Variants in UPRT observed in about 807,000 individuals in gnomAD.
UPRT encodes the protein RP11-311P8.3.
In UPRT, 5 loss-of-function variants were observed where a neutral mutation model predicts 22.6. That is an observed-to-expected ratio of 0.22 (90% confidence interval 0.12 to 0.47). UPRT has a LOEUF of 0.47. Ranked by LOEUF, UPRT falls within the 20% of genes least tolerant of loss-of-function variation. The pLI is 0.99. For synonymous variants in UPRT, 77 were observed against 87.7 expected (o/e 0.88, Z 0.68); for missense variants, 181 against 239.9 (o/e 0.75, Z 1.62).
intron 4 of UPRT, among the ~76,000 whole-genome samples, chrX:75,184,837 G>A (rs1261531987): frequency 2.7e-5 from 3 of 111,343 alleles, no homozygotes; most frequent in African/African-American, 9.8e-5. Context: ...TTGTTGGTGT[G>A]TAAGAATGCT....
chrX:75,188,615 C>A (rs1321731963), intron 4 of UPRT, among the ~76,000 whole-genome samples: 4 of 112,498 alleles, frequency 3.6e-5, no homozygotes, highest in Non-Finnish European at 7.5e-5. Context: ...GGCGCCCCTC[C>A]CCGAGCCTCG....
chrX:75,302,248 G>T (rs1448947066), intron 6 of UPRT, among the ~76,000 whole-genome samples: 1 of 111,236 alleles, frequency 9.0e-6, no homozygotes, highest in Non-Finnish European at 1.9e-5. Context: ...AAGGCGATTT[G>T]CTTAAGTTAT....
chrX:75,178,506 C>T lies in UPRT; in HGVS notation c.-447+10627C>T, dbSNP rs775915589. 8.9e-5 allele frequency among the ~76,000 whole-genome samples: 10 copies of T among 111,786 alleles called. No individual in the cohort carries two copies. The East Asian group carries it at 1.7e-3, about 19-fold the overall frequency. ...CTCACTGACTTCAAGAATGAAGCCGCGGACCCTCACGGTGAGTGTTACAGC... is the reference window on the plus strand; with the variant it reads ...CTCACTGACTTCAAGAATGAAGCCGTGGACCCTCACGGTGAGTGTTACAGC... On this transcript the variant is annotated intron_variant, in intron 4 of 13. Transcript: ENST00000652605.
At chrX:75,211,772 C>T (rs778960853) in intron 4 of UPRT, among the ~76,000 whole-genome samples, 7 of 111,364 alleles carry the variant, frequency 6.3e-5, no homozygotes, top group Non-Finnish European at 1.1e-4. Flanking sequence ...GTTTTGGCAC[C>T]AAAATGTTAG....
intron 1 of UPRT, among the ~76,000 whole-genome samples, chrX:75,277,208 CT>C (rs202092451): frequency 1.8e-5 from 2 of 109,199 alleles, no homozygotes; most frequent in Non-Finnish European, 1.9e-5. Context: ...ACATATGTGC[CT>C]TTTTTTTTAG....
At chrX:75,220,696 C>G (rs1043359861) in intron 4 of UPRT, among the ~76,000 whole-genome samples, 1 of 111,657 alleles carries the variant, frequency 9.0e-6, no homozygotes, top group Non-Finnish European at 1.9e-5. Flanking sequence ...AATGAAAAAA[C>G]TAATATAAAC....
intron 1 of UPRT, among the ~76,000 whole-genome samples, chrX:75,283,755 C>T (rs1465313251): frequency 9.0e-6 from 1 of 110,993 alleles, no homozygotes; most frequent in African/African-American, 3.3e-5. Flanking sequence ...TTTGGATAGC[C>T]CGACGAAAAT....
intron 4 of UPRT, among the ~76,000 whole-genome samples, chrX:75,190,752 T>G (rs6647096): frequency 9.0e-6 from 1 of 110,825 alleles, no homozygotes; most frequent in African/African-American, 3.3e-5. Context: ...TGATACCCTT[T>G]CTTCCAGTTG....
chrX:75,270,682 C>T (rs1022993801), upstream of UPRT, among the ~76,000 whole-genome samples: 1 of 111,456 alleles, frequency 9.0e-6, no homozygotes, highest in African/African-American at 3.3e-5. Context: ...CTCATATTCT[C>T]ACTCATAAGT....
At chrX:75,218,818 G>C (rs1372430296) in intron 4 of UPRT, among the ~76,000 whole-genome samples, 5 of 108,326 alleles carry the variant, frequency 4.6e-5, no homozygotes, top group African/African-American at 6.7e-5. Context: ...TATTCTCACT[G>C]ATAGGTGGGA....
At chrX:75,183,030 A>T (rs1309684723) in intron 4 of UPRT, among the ~76,000 whole-genome samples, 2 of 109,104 alleles carry the variant, frequency 1.8e-5, no homozygotes, top group Non-Finnish European at 3.8e-5. Flanking sequence ...TTATTTTTTT[A>T]TTATTATTAT....
intron 4 of UPRT, among the ~76,000 whole-genome samples, chrX:75,242,110 T>C (rs962589826): frequency 9.0e-6 from 1 of 110,607 alleles, no homozygotes; most frequent in African/African-American, 3.3e-5. Context: ...TAAAAGAAAA[T>C]ATACCCAGTA....
intron 1 of UPRT, among the ~76,000 whole-genome samples, chrX:75,287,833 A>G (rs1325907839): frequency 1.8e-5 from 2 of 111,650 alleles, no homozygotes; most frequent in Non-Finnish European, 3.8e-5. Flanking sequence ...TCGGAGTGGA[A>G]GTGAATGAAA....
At chrX:75,278,474 A>T (rs1288474342) in intron 1 of UPRT, among the ~76,000 whole-genome samples, 1 of 111,455 alleles carries the variant, frequency 9.0e-6, no homozygotes, top group African/African-American at 3.3e-5. Context: ...TTCTTCATTT[A>T]TGTCGTTTTG....
intron 4 of UPRT, among the ~76,000 whole-genome samples, chrX:75,169,110 C>T (rs192598035): frequency 4.2e-4 from 47 of 111,885 alleles, no homozygotes; most frequent in Middle Eastern, 9.1e-3. Context: ...GCCATTAATT[C>T]GTTCCGTTTT....
intron 4 of UPRT, among the ~76,000 whole-genome samples, chrX:75,182,464 C>T (rs768732541): frequency 9.0e-6 from 1 of 111,325 alleles, no homozygotes; most frequent in African/African-American, 3.3e-5. Flanking sequence ...TGCTAGAATT[C>T]AGCTGTGAAT....
At chrX:75,294,142 G>T (rs764770331) in intron 2 of UPRT, among the ~76,000 whole-genome samples, 5 of 110,841 alleles carry the variant, frequency 4.5e-5, no homozygotes, top group Non-Finnish European at 7.6e-5. Context: ...CATGCTTAGT[G>T]CTTGAAGTGA....
intron 4 of UPRT, among the ~76,000 whole-genome samples, chrX:75,239,648 A>T (rs2082481919): frequency 9.0e-6 from 1 of 111,300 alleles, no homozygotes; most frequent in Admixed American, 9.6e-5. Flanking sequence ...ATATAACAAA[A>T]AAAGAATACT....
intron 1 of UPRT, among the ~76,000 whole-genome samples, chrX:75,292,540 A>G (rs2082712099): frequency 9.0e-6 from 1 of 111,699 alleles, no homozygotes; most frequent in African/African-American, 3.3e-5. Context: ...AACTTGAGGC[A>G]AAAGAGTGGA....
Sources: gnomAD v4.1 joint callset for allele counts (sites outside exome capture counted in the v4.1 genomes callset) on GRCh38, gnomAD v4.1.1 for gene constraint, MANE v1.5 for transcripts, NCBI Gene and HGNC (gene_info 2026-07-23, HGNC 2026-07-21) for gene names.